The following DNAI4 variants were observed in gnomAD, a reference collection of about 807,000 sequenced individuals.
The protein encoded by DNAI4 is dynein axonemal intermediate chain 4.
Under a neutral mutation model 105.8 loss-of-function variants are expected in DNAI4, and 85 were observed. That is an observed-to-expected ratio of 0.80 (90% CI 0.67 to 0.96). DNAI4 has a LOEUF of 0.96. Among genes scored for constraint, DNAI4 ranks in the 40% least tolerant of loss-of-function variants. DNAI4 has a pLI of 0.00. For synonymous variants in DNAI4, 352 were observed against 331.5 expected (o/e 1.06, Z -0.67); for missense variants, 1,014 against 1,005.6 (o/e 1.01, Z -0.11).
At chr1:66,856,010 T>A (rs947004852) in intron 7 of DNAI4, among the ~76,000 whole-genome samples, 2 of 151,502 alleles carry the variant, frequency 1.3e-5, no homozygotes, top group African/African-American at 4.9e-5. Flanking sequence ...AATTTTTGTA[T>A]TTTTTAGTAG....
At chr1:66,889,316 G>A (rs1647394069) in intron 4 of DNAI4, among the ~76,000 whole-genome samples, 4 of 152,142 alleles carry the variant, frequency 2.6e-5, no homozygotes, top group African/African-American at 9.7e-5. Context: ...GACAGAGATA[G>A]GATGGTGCTA....
chr1:66,817,531 C>A (rs2100295644), intron 16 of DNAI4, among the ~76,000 whole-genome samples: 1 of 151,930 alleles, frequency 6.6e-6, no homozygotes, highest in South Asian at 2.1e-4. Context: ...CAAGATCAGG[C>A]CACTACACTC....
chr1:66,871,050 T>C (rs1646835905), intron 6 of DNAI4: 1 of 263,232 alleles, frequency 3.8e-6, no homozygotes, highest in South Asian at 1.5e-4. Flanking sequence ...CTGACACATT[T>C]AAAATGTTAA....
In DNAI4 at chr1:66,890,866, G is replaced by GGAA. The variant is rs56842115; in HGVS notation, c.643+285_643+287dup. The GGAA allele has an allele frequency of 2.2e-3, 919 of 419,298 alleles. 3 individuals are homozygous for GGAA. Among genetic ancestry groups the GGAA allele is most frequent in the South Asian group, 7.9e-3 (335 of 42,554 alleles). 26.0% of individuals were successfully genotyped at this position (419,298 alleles called of 1,614,324 possible). On this transcript the variant is annotated intron_variant, in intron 4 of 16. Coordinates refer to ENST00000371026, the MANE Select transcript of DNAI4 (RefSeq NM_024763.5). The surrounding 1 kb of genome is among the most constrained non-coding windows in gnomAD (Gnocchi z 4.1). Reference sequence around the variant, plus strand: ...AGGAAGAGGAAGAAGAAGAGGAAGAGGAAGAAGAAGAAGAAGAAGCAGAAG... The same window carrying GGAA: ...AGGAAGAGGAAGAAGAAGAGGAAGAGGAAGAAGAAGAAGAAGAAGAAGCAGAAG...
At chr1:66,900,702 A>G (rs1322768579) in intron 2 of DNAI4, among the ~76,000 whole-genome samples, 1 of 152,172 alleles carries the variant, frequency 6.6e-6, no homozygotes, top group Non-Finnish European at 1.5e-5. Flanking sequence ...AAATGGTTCT[A>G]TGCATGTGTC....
chr1:66,826,978 C>A lies in DNAI4; in HGVS notation c.2181G>T (p.Trp727Cys). 2.5e-6 allele frequency: 4 copies of A among 1,614,026 alleles called. No homozygotes were observed. The highest frequency in any genetic ancestry group is 3.4e-6 in the Non-Finnish European group (4 of 1,180,010). The stretch of plus-strand genomic sequence containing the variant: ...TCTCCTGTTGCCATATAATAACACC[C>A]CAATCTGCAGAACAGCTTAAAAATA... Reference protein sequence around the residue: ...HDVFLSCSADWGVIIWQQENV... With the variant: ...HDVFLSCSADCGVIIWQQENV... Residue 727 changes from tryptophan (W) to cysteine (C), a missense_variant, in exon 15 of 17, where the codon TGG becomes TGT. Trp to Cys is a radical substitution (Grantham distance 215, BLOSUM62 -2). Coordinates refer to ENST00000371026, the MANE Select transcript of DNAI4 (RefSeq NM_024763.5).
In DNAI4 at chr1:66,892,990, A is replaced by AGAGAG. The variant is rs1481746698; in HGVS notation, c.530+238_530+239insCTCTC. ...GAAAGAAAGAAAGAAAGAAAGAAAG[A>AGAGAG]AAGAAAGAGAGAAAGAGAGAGAGGA... On this transcript the variant is annotated intron_variant, in intron 3 of 16. Coordinates refer to ENST00000371026, the MANE Select transcript of DNAI4 (RefSeq NM_024763.5). Among the ~76,000 whole-genome samples, 293 of 115,514 alleles carry AGAGAG rather than the reference A, an allele frequency of 2.5e-3. 6 individuals are homozygous for AGAGAG. Among genetic ancestry groups the AGAGAG allele is most frequent in the African/African-American group, 0.011 (280 of 26,460 alleles). The allele number at this position is 115,514 out of a possible 152,430, so 75.8% of individuals were successfully genotyped here.
chr1:66,879,520 A>C (rs543033632), intron 4 of DNAI4, among the ~76,000 whole-genome samples: 43 of 152,294 alleles, frequency 2.8e-4, no homozygotes, highest in African/African-American at 1.0e-3. Flanking sequence ...TGTGAAGATA[A>C]ATTTTCAGTT....
intron 4 of DNAI4, among the ~76,000 whole-genome samples, chr1:66,882,030 T>C (rs1408287836): frequency 6.6e-6 from 1 of 152,228 alleles, no homozygotes; most frequent in Non-Finnish European, 1.5e-5. Flanking sequence ...ATGTGAGATA[T>C]GACTTGCTCA....
chr1:66,817,487 T>A (rs900954647), intron 16 of DNAI4, among the ~76,000 whole-genome samples: 1 of 151,900 alleles, frequency 6.6e-6, no homozygotes, highest in Non-Finnish European at 1.5e-5. Flanking sequence ...GTGGGACAAT[T>A]GCTTGATCCC....
intron 10 of DNAI4, among the ~76,000 whole-genome samples, chr1:66,836,300 GAAAGAAAGAAAGAAAGAAAGAAA>G (rs1425115952): frequency 1.7e-4 from 26 of 150,272 alleles, no homozygotes; most frequent in African/African-American, 4.2e-4. Flanking sequence ...AAGAAAGAAA[GAAAGAAAGAAAGAAAGAAAGAAA>G]GAAGGAAAGA....
intron 4 of DNAI4, among the ~76,000 whole-genome samples, chr1:66,882,774 A>T (rs138574745): frequency 7.6e-4 from 115 of 152,064 alleles, no homozygotes; most frequent in Non-Finnish European, 1.4e-3. Context: ...GGCTGTTTTA[A>T]ATCCTCTGTT....
chr1:66,875,932 T>C (rs1646950153), intron 4 of DNAI4, among the ~76,000 whole-genome samples: 1 of 152,124 alleles, frequency 6.6e-6, no homozygotes, highest in African/African-American at 2.4e-5. Context: ...TGTTCTAAAA[T>C]GTTAAATGAC....
intron 4 of DNAI4, among the ~76,000 whole-genome samples, chr1:66,880,977 T>C (rs2985799): frequency 0.24 from 36,228 of 152,078 alleles, 5,655 homozygotes; most frequent in African/African-American, 0.45. Context: ...CTAAAAGGGA[T>C]GAAGGTACAG....
In DNAI4 at chr1:66,837,093, C is replaced by T. The variant is rs184400160; in HGVS notation, c.1581+617G>A. On this transcript the variant is annotated intron_variant, in intron 10 of 16. Coordinates refer to ENST00000371026, the MANE Select transcript of DNAI4 (RefSeq NM_024763.5). ...AAAAACATAATTTTCAGCTGGGTGC[C>T]GGTGGCTCACGCCCGTAATCCCAGC... 1.4e-3 allele frequency among the ~76,000 whole-genome samples: 209 copies of T among 152,154 alleles called. 1 individual carries two copies. Among genetic ancestry groups the T allele is most frequent in the African/African-American group, 4.8e-3 (200 of 41,524 alleles).
chr1:66,890,964 A>C lies in DNAI4; in HGVS notation c.643+190T>G. On this transcript the variant is annotated intron_variant, in intron 4 of 16. Transcript: ENST00000371026. The surrounding 1 kb of genome is among the most constrained non-coding windows in gnomAD (Gnocchi z 4.1). The stretch of plus-strand genomic sequence containing the variant: ...AAAGCGCCATTGGTTCCTCAGGCTG[A>C]TGATTCAAAACAGTCACCCAGGGAA... The C allele has an allele frequency of 1.7e-6, 1 of 591,916 alleles. No homozygotes were observed. Among genetic ancestry groups the C allele is most frequent in the South Asian group, 2.0e-5 (1 of 51,246 alleles). The allele number at this position is 591,916 out of a possible 1,614,324, so 36.7% of individuals were successfully genotyped here. A position where few individuals can be genotyped will look rare whatever the true frequency, so the allele number is the denominator to read the frequency against.
chr1:66,897,153 T>C (rs1020697314), intron 2 of DNAI4, among the ~76,000 whole-genome samples: 4 of 152,322 alleles, frequency 2.6e-5, no homozygotes, highest in African/African-American at 9.6e-5. Context: ...AAATTCTTAT[T>C]AGAAACCGGA....
At position 66,840,683 on chromosome 1, in the gene DNAI4, A is replaced by T. The variant is rs112656059; in HGVS notation, c.1292-12T>A. On this transcript the variant is annotated splice_polypyrimidine_tract_variant and intron_variant, in intron 8 of 16. Coordinates refer to ENST00000371026, the MANE Select transcript of DNAI4 (RefSeq NM_024763.5). ...TTCAGGTTCAGGTTCTAAAGTTTAA[A>T]CAAATAAAAAGATCATTGTCCTCTA... is the stretch of plus-strand genomic sequence containing the variant. 472 of 1,613,764 alleles carry T rather than the reference A, an allele frequency of 2.9e-4. 6 individuals are homozygous for T. The highest frequency in any genetic ancestry group is 2.7e-3 in the African/African-American group (206 of 74,968).
intron 6 of DNAI4, among the ~76,000 whole-genome samples, chr1:66,868,698 A>G (rs1286328735): frequency 6.6e-6 from 1 of 152,090 alleles, no homozygotes; most frequent in Non-Finnish European, 1.5e-5. Flanking sequence ...CAGTTTGCAC[A>G]TGGCAGATTA....
Sources: allele counts gnomAD v4.1 joint callset (sites outside exome capture counted in the v4.1 genomes callset), GRCh38; gene constraint gnomAD v4.1.1; non-coding constraint Gnocchi (gnomAD v3.1); transcripts MANE v1.5; gene names NCBI Gene and HGNC (gene_info 2026-07-23, HGNC 2026-07-21).